The following NT5DC3 variants were observed in gnomAD, a reference collection of about 807,000 sequenced individuals.
NT5DC3 encodes the protein 5'-nucleotidase domain containing 3, also known as 5'-nucleotidase domain-containing protein 3.
Under a neutral mutation model 67.8 loss-of-function variants are expected in NT5DC3, and 42 were observed. The ratio of observed to expected loss-of-function variants is 0.62; its 90% CI spans 0.48 to 0.80. NT5DC3 has a LOEUF of 0.80. Among genes scored for constraint, NT5DC3 ranks in the 30% least tolerant of loss-of-function variants. NT5DC3 has a pLI of 0.00. For missense variants in NT5DC3, 570 were observed against 696.4 expected, an observed-to-expected ratio of 0.82 and a Z score of 2.04; for synonymous variants, 237 against 255.6, an observed-to-expected ratio of 0.93 and a Z score of 0.69.
chr12:103,840,172 G>T (rs1278200424), intron 1 of NT5DC3, among the ~76,000 whole-genome samples: 2 of 152,150 alleles, frequency 1.3e-5, no homozygotes, highest in African/African-American at 4.8e-5. Flanking sequence ...CTCCTTCGTA[G>T]ATTACAGGAA....
the NT5DC3 span, chr12:103,755,344 C>T: frequency 2.0e-5 from 33 of 1,613,974 alleles, no homozygotes; most frequent in Admixed American, 2.3e-4. Flanking sequence ...GGAGACCGGG[C>T]GGGTTGCCTA....
At chr12:103,762,513 G>A in the NT5DC3 span, 2 of 1,537,322 alleles carry the variant, frequency 1.3e-6, no homozygotes, top group East Asian at 2.3e-5. Context: ...CAGAAGCAGT[G>A]TGTCACACAG....
chr12:103,827,977 G>T (rs1887765007), intron 1 of NT5DC3, among the ~76,000 whole-genome samples: 1 of 152,206 alleles, frequency 6.6e-6, no homozygotes, highest in African/African-American at 2.4e-5. Flanking sequence ...GAAGTACAGT[G>T]TTTGTTCACC....
chr12:103,828,385 A>G (rs1887781969), intron 1 of NT5DC3, among the ~76,000 whole-genome samples: 1 of 152,210 alleles, frequency 6.6e-6, no homozygotes, highest in South Asian at 2.1e-4. Flanking sequence ...CTCCTATTTT[A>G]GGCATTTCTT....
chr12:103,779,682 C>A (rs1189388595), intron 13 of NT5DC3, among the ~76,000 whole-genome samples: 1 of 152,134 alleles, frequency 6.6e-6, no homozygotes, highest in Admixed American at 6.5e-5. Context: ...ACGGCTATAC[C>A]CAGCGGCTGA....
At chr12:103,817,484 T>A (rs571787608) in intron 1 of NT5DC3, among the ~76,000 whole-genome samples, 2 of 152,192 alleles carry the variant, frequency 1.3e-5, no homozygotes, top group Non-Finnish European at 2.9e-5. Context: ...AAACCTGAAC[T>A]GTCCATATTT....
At chr12:103,747,602 G>A in the NT5DC3 span, among the ~76,000 whole-genome samples, 3 of 152,232 alleles carry the variant, frequency 2.0e-5, no homozygotes, top group African/African-American at 7.2e-5. Flanking sequence ...CCATTGGCTG[G>A]AATCTCATCA....
chr12:103,797,092 G>A lies in NT5DC3; in HGVS notation c.616-61C>T, dbSNP rs934437275. 43 of 1,573,268 alleles carry A rather than the reference G, an allele frequency of 2.7e-5. No individual in the cohort carries two copies. In the African/African-American group the frequency reaches 5.0e-4, roughly 18 times the overall value. On this transcript the variant is annotated intron_variant, in intron 5 of 13. Coordinates refer to ENST00000392876, the MANE Select transcript of NT5DC3 (RefSeq NM_001031701.3). The stretch of plus-strand genomic sequence containing the variant: ...GGGCCCACGCAAGGGACAGAGCCAC[G>A]AAGCACCAGGAACAGCAGGAAGCCT...
At chr12:103,818,164 C>T (rs1284275940) in intron 1 of NT5DC3, among the ~76,000 whole-genome samples, 1 of 152,328 alleles carries the variant, frequency 6.6e-6, no homozygotes, top group South Asian at 2.1e-4. Context: ...TAAGTTCCCA[C>T]ATTGCACCTA....
intron 9 of NT5DC3, among the ~76,000 whole-genome samples, chr12:103,790,609 C>G (rs1314653705): frequency 6.6e-6 from 1 of 151,986 alleles, no homozygotes; most frequent in Non-Finnish European, 1.5e-5. Flanking sequence ...GTCTCAAACT[C>G]CTGGGCTCAA....
intron 6 of NT5DC3, among the ~76,000 whole-genome samples, chr12:103,795,425 T>C (rs1886268665): frequency 6.6e-6 from 1 of 152,186 alleles, no homozygotes; most frequent in Non-Finnish European, 1.5e-5. Flanking sequence ...CATCTCGCCT[T>C]ATGAATGCAC....
intron 1 of NT5DC3, among the ~76,000 whole-genome samples, chr12:103,837,994 A>G (rs900694654): frequency 6.6e-6 from 1 of 152,190 alleles, no homozygotes; most frequent in African/African-American, 2.4e-5. Flanking sequence ...TGGGAAGAAA[A>G]AGAGGTTTAC....
At chr12:103,767,060 C>G (rs1484044465), downstream of NT5DC3, 1 of 152,112 alleles carries the variant, frequency 6.6e-6, no homozygotes, top group Non-Finnish European at 1.5e-5. Context: ...CCATATGACC[C>G]AAAAATGCCA....
At chr12:103,827,725 AC>A (rs1396318290) in intron 1 of NT5DC3, among the ~76,000 whole-genome samples, 1 of 152,212 alleles carries the variant, frequency 6.6e-6, no homozygotes, top group Admixed American at 6.5e-5. Context: ...TTCCTATAAA[AC>A]CCAGCTTGAT....
chr12:103,793,427 A>G lies in NT5DC3; in HGVS notation c.900T>C (p.Asn300=). Residue 300 remains asparagine, a synonymous_variant, in exon 8 of 14, where the codon AAT becomes AAC. Coordinates refer to ENST00000392876, the MANE Select transcript of NT5DC3 (RefSeq NM_001031701.3). ...CAACTTACACAAAGCTACTGGGGCTATTGGTGATGAGAAACATCTTCTTGC... is the reference window on the plus strand; with the variant it reads ...CAACTTACACAAAGCTACTGGGGCTGTTGGTGATGAGAAACATCTTCTTGC... ...DHGKKMFLIT[N]SPSSFVDKGM... is the part of the protein sequence containing the mutation. The G allele has an allele frequency of 6.2e-7, 1 of 1,614,076 alleles. No homozygotes were observed.
intron 1 of NT5DC3, among the ~76,000 whole-genome samples, chr12:103,825,897 G>A (rs774668823): frequency 1.1e-4 from 16 of 152,216 alleles, no homozygotes; most frequent in Admixed American, 2.0e-4. Context: ...GCTGTGCACC[G>A]GGTTCTTCTC....
chr12:103,783,917 C>G (rs964325206), intron 12 of NT5DC3, among the ~76,000 whole-genome samples: 2 of 152,160 alleles, frequency 1.3e-5, no homozygotes, highest in African/African-American at 4.8e-5. Flanking sequence ...CAAGCCTTGC[C>G]TATACCCGAA....
At chr12:103,789,967 A>G (rs954600692) in intron 9 of NT5DC3, among the ~76,000 whole-genome samples, 5 of 152,252 alleles carry the variant, frequency 3.3e-5, no homozygotes. Context: ...TTTCATGACT[A>G]TAAAATGAGG....
intron 13 of NT5DC3, among the ~76,000 whole-genome samples, chr12:103,778,774 C>T (rs1490835332): frequency 6.6e-6 from 1 of 152,090 alleles, no homozygotes; most frequent in Non-Finnish European, 1.5e-5. Flanking sequence ...CCACTGCACT[C>T]CAGCCTGGGT....
Sources: allele counts gnomAD v4.1 joint callset (sites outside exome capture counted in the v4.1 genomes callset), GRCh38; gene constraint gnomAD v4.1.1; transcripts MANE v1.5; gene names NCBI Gene and HGNC (gene_info 2026-07-23, HGNC 2026-07-21).